MEGF10: variants seen among roughly 807,000 people sequenced by gnomAD.
The protein encoded by MEGF10 is multiple epidermal growth factor-like domains protein 10.
Under a neutral mutation model 147.5 loss-of-function variants are expected in MEGF10, and 86 were observed. The observed-to-expected ratio is 0.58, with a 90% CI of 0.49 to 0.70. The LOEUF (loss-of-function observed/expected upper bound fraction) is 0.70. Ranked by LOEUF, MEGF10 falls within the 30% of genes least tolerant of loss-of-function variation. The pLI is 0.00. For synonymous variants in MEGF10, 478 were observed against 525.5 expected (o/e 0.91, Z 1.24); for missense variants, 1,329 against 1,487.3 (o/e 0.89, Z 1.75).
chr5:127,382,738 C>G (rs1763304128), intron 5 of MEGF10, among the ~76,000 whole-genome samples: 1 of 151,934 alleles, frequency 6.6e-6, no homozygotes, highest in South Asian at 2.1e-4. Context: ...TGTAAAGAAC[C>G]CCCACAAATT....
At chr5:127,426,097 G>T (rs1765201986) in intron 13 of MEGF10, among the ~76,000 whole-genome samples, 1 of 152,180 alleles carries the variant, frequency 6.6e-6, no homozygotes, top group South Asian at 2.1e-4. Context: ...GGAGGGCCTT[G>T]TTCCTCTTTA....
At chr5:127,443,417 T>C (rs1251011394) in intron 19 of MEGF10, among the ~76,000 whole-genome samples, 1 of 152,206 alleles carries the variant, frequency 6.6e-6, no homozygotes, top group Non-Finnish European at 1.5e-5. Flanking sequence ...TCATGAACTT[T>C]CTACTGGGTC....
intron 20 of MEGF10, among the ~76,000 whole-genome samples, chr5:127,446,114 G>T (rs568002501): frequency 6.6e-6 from 1 of 152,228 alleles, no homozygotes; most frequent in East Asian, 1.9e-4. Flanking sequence ...CTCTCCCTAG[G>T]CCTACCCGAA....
At chr5:127,350,438 C>T (rs1048292136) in intron 4 of MEGF10, among the ~76,000 whole-genome samples, 1 of 152,072 alleles carries the variant, frequency 6.6e-6, no homozygotes, top group Non-Finnish European at 1.5e-5. Flanking sequence ...GCTTCACTTT[C>T]TCCTTCTTTT....
At chr5:127,273,822 A>C in the MEGF10 span, among the ~76,000 whole-genome samples, 1 of 152,238 alleles carries the variant, frequency 6.6e-6, no homozygotes, top group Non-Finnish European at 1.5e-5. Context: ...ACTTATGTAC[A>C]GGCAGCATAT....
chr5:127,379,346 A>C (rs1053460994), intron 5 of MEGF10, among the ~76,000 whole-genome samples: 1 of 151,640 alleles, frequency 6.6e-6, no homozygotes, highest in African/African-American at 2.4e-5. Flanking sequence ...CCTTCCCAAA[A>C]CTGGCTGGAA....
At chr5:127,449,671 C>G (rs1395511170) in intron 22 of MEGF10, among the ~76,000 whole-genome samples, 1 of 152,150 alleles carries the variant, frequency 6.6e-6, no homozygotes, top group African/African-American at 2.4e-5. Context: ...CAGCTGTGTG[C>G]TCTTCCTTGT....
chr5:127,329,310 A>G (rs909133504), intron 1 of MEGF10, among the ~76,000 whole-genome samples: 1 of 152,132 alleles, frequency 6.6e-6, no homozygotes, highest in Non-Finnish European at 1.5e-5. Flanking sequence ...AGCTTCTTTA[A>G]TGGCTTACAC....
chr5:127,308,360 C>G (rs1760108225), intron 1 of MEGF10, among the ~76,000 whole-genome samples: 1 of 152,138 alleles, frequency 6.6e-6, no homozygotes, highest in Non-Finnish European at 1.5e-5. Context: ...GTCCAGATCC[C>G]TAAGATATTC....
the MEGF10 span, among the ~76,000 whole-genome samples, chr5:127,247,449 G>C: frequency 2.2e-3 from 277 of 125,220 alleles, 30 homozygotes; most frequent in African/African-American, 3.6e-3. Context: ...AGAAGAAGAA[G>C]AAGAAGAAGA....
At chr5:127,411,951 T>C (rs1475604750) in intron 9 of MEGF10, among the ~76,000 whole-genome samples, 2 of 152,178 alleles carry the variant, frequency 1.3e-5, no homozygotes, top group African/African-American at 2.4e-5. Flanking sequence ...GAATAATAAA[T>C]CTATGCAAAG....
At position 127,449,089 on chromosome 5, in the gene MEGF10, T is replaced by A. The variant is rs1408307387; in HGVS notation, c.2857-10T>A. ...TGTTTTTAATCTTTCGTTGTTTATA[T>A]TTTTAACAGTCAAAAAACAATCAAC... is the stretch of plus-strand genomic sequence containing the variant. On this transcript the variant is annotated splice_polypyrimidine_tract_variant and intron_variant, in intron 21 of 24. Transcript: ENST00000503335. 6.2e-7 allele frequency: 1 copy of A among 1,613,920 alleles called. No individual in the cohort carries two copies. The highest frequency in any genetic ancestry group is 1.1e-5 in the South Asian group (1 of 91,048).
At chr5:127,383,631 T>C (rs1364187851) in intron 5 of MEGF10, among the ~76,000 whole-genome samples, 1 of 152,072 alleles carries the variant, frequency 6.6e-6, no homozygotes, top group Non-Finnish European at 1.5e-5. Flanking sequence ...CAGAAGAACA[T>C]ATATTAAAAC....
chr5:127,250,776 A>G, the MEGF10 span, among the ~76,000 whole-genome samples: 235 of 152,192 alleles, frequency 1.5e-3, no homozygotes, highest in Middle Eastern at 0.01. Flanking sequence ...CCAAGGAATT[A>G]TCTGAAAAAA....
intron 1 of MEGF10, among the ~76,000 whole-genome samples, chr5:127,312,852 T>G (rs1760352175): frequency 6.6e-6 from 1 of 152,188 alleles, no homozygotes; most frequent in Non-Finnish European, 1.5e-5. Context: ...AGGTTTCAGA[T>G]AACCTGAAAC....
the MEGF10 span, among the ~76,000 whole-genome samples, chr5:127,260,461 C>G: frequency 1.3e-5 from 2 of 152,214 alleles, no homozygotes; most frequent in South Asian, 4.2e-4. Context: ...GGTAAACCTC[C>G]CTTCATGTCT....
At chr5:127,440,700 G>T in intron 17 of MEGF10, 39 bp from the exon 18 acceptor site, 1 of 1,606,598 alleles carries the variant, frequency 6.2e-7, no homozygotes, top group South Asian at 1.1e-5. Flanking sequence ...TTTCTCTTCA[G>T]CAGCCTCTTG....
intron 21 of MEGF10, among the ~76,000 whole-genome samples, chr5:127,447,944 C>A (rs886221923): frequency 9.2e-5 from 14 of 151,796 alleles, no homozygotes; most frequent in Admixed American, 4.6e-4. Context: ...GAGTCAAAGT[C>A]TCTCTGTCTC....
chr5:127,397,723 T>A (rs564251689), intron 6 of MEGF10, among the ~76,000 whole-genome samples: 6 of 152,330 alleles, frequency 3.9e-5, no homozygotes, highest in African/African-American at 1.4e-4. Context: ...ATTGCTTTTA[T>A]GGGTTTTCAT....
Sources: allele counts gnomAD v4.1 joint callset (sites outside exome capture counted in the v4.1 genomes callset), GRCh38; gene constraint gnomAD v4.1.1; transcripts MANE v1.5; gene names NCBI Gene and HGNC (gene_info 2026-07-23, HGNC 2026-07-21).